RNASEH2B: variants seen among roughly 807,000 people sequenced by gnomAD.
The protein encoded by RNASEH2B is Aicardi-Goutieres syndrome 2 protein.
In RNASEH2B, 36 loss-of-function variants were observed where a neutral mutation model predicts 45.0. The observed-to-expected ratio is 0.80, with a 90% confidence interval of 0.61 to 1.06. The LOEUF (loss-of-function observed/expected upper bound fraction) is 1.06. RNASEH2B is among the 50% of genes least tolerant of loss of function. RNASEH2B has a pLI of 0.00. For synonymous variants in RNASEH2B, 119 were observed against 125.7 expected (o/e 0.95, Z 0.35); for missense variants, 361 against 360.3 (o/e 1.00, Z -0.02).
intron 9 of RNASEH2B, among the ~76,000 whole-genome samples, chr13:50,964,890 ACTTAT>A (rs139581484): frequency 0.01 from 1,542 of 151,820 alleles, 25 homozygotes; most frequent in African/African-American, 0.036. Context: ...TGTTATTATC[ACTTAT>A]CTTAATCACT....
At chr13:50,968,447 G>A (rs990676546) in intron 9 of RNASEH2B, among the ~76,000 whole-genome samples, 5 of 152,016 alleles carry the variant, frequency 3.3e-5, no homozygotes, top group African/African-American at 9.7e-5. Flanking sequence ...AACCCTCCAA[G>A]GTAGACCAGA....
At chr13:50,954,652 A>G (rs1054528445) in intron 10 of RNASEH2B, 1 of 152,290 alleles carries the variant, frequency 6.6e-6, no homozygotes, top group African/African-American at 2.4e-5. Flanking sequence ...TTGAAGTGAT[A>G]GACATTCTTA....
intron 7 of RNASEH2B, among the ~76,000 whole-genome samples, chr13:50,946,325 T>A (rs1951900338): frequency 6.6e-6 from 1 of 152,226 alleles, no homozygotes; most frequent in African/African-American, 2.4e-5. Flanking sequence ...ATGGCTTTAG[T>A]CATTACATAA....
intron 1 of RNASEH2B, among the ~76,000 whole-genome samples, chr13:50,924,634 C>T (rs1951568636): frequency 6.6e-6 from 1 of 152,160 alleles, no homozygotes. Context: ...TCACAGCTCA[C>T]TGCAGCTTTA....
At chr13:50,938,781 C>G (rs1015444416) in intron 5 of RNASEH2B, 5 of 152,156 alleles carry the variant, frequency 3.3e-5, no homozygotes, top group Non-Finnish European at 7.3e-5. Context: ...TCCTCACAGG[C>G]CATGGATTGG....
At chr13:50,910,983 T>C (rs1381303894) in intron 1 of RNASEH2B, 1 of 152,262 alleles carries the variant, frequency 6.6e-6, no homozygotes, top group Non-Finnish European at 1.5e-5. Context: ...ATTTAGAGTT[T>C]TATGATGGTT....
At chr13:50,937,414 A>AG (rs987324871) in intron 5 of RNASEH2B, 5 of 151,760 alleles carry the variant, frequency 3.3e-5, no homozygotes, top group African/African-American at 7.3e-5. Flanking sequence ...TGGAGAGATG[A>AG]GGGGGTCTCT....
At chr13:50,949,286 G>A in intron 8 of RNASEH2B, 177 bp from the exon 9 acceptor site, 2 of 607,880 alleles carry the variant, frequency 3.3e-6, no homozygotes, top group Non-Finnish European at 5.9e-6. Flanking sequence ...TCAAAATAAA[G>A]ACTCATTTAT....
At chr13:50,969,088 T>C (rs1406973205) in intron 9 of RNASEH2B, among the ~76,000 whole-genome samples, 3 of 152,196 alleles carry the variant, frequency 2.0e-5, no homozygotes, top group Admixed American at 6.5e-5. Context: ...AGACATGTTG[T>C]AGATAGAGGA....
intron 1 of RNASEH2B, among the ~76,000 whole-genome samples, chr13:50,925,660 A>G (rs1426780407): frequency 6.6e-6 from 1 of 152,186 alleles, no homozygotes; most frequent in Non-Finnish European, 1.5e-5. Flanking sequence ...GCACAATTCA[A>G]GACCCTGAGG....
intron 2 of RNASEH2B, 122 bp from the exon 3 acceptor site, chr13:50,929,353 T>G: frequency 1.4e-6 from 1 of 706,632 alleles, no homozygotes; most frequent in Non-Finnish European, 2.6e-6. Context: ...AGAATAGACC[T>G]GTGTATGTTT....
rs566790226 is a variant in RNASEH2B, at chr13:50,945,471, C to G, written c.555C>G (p.Val185=). ...CATTAAAAACCAATAATGTGAATGT[C>G]AGTTCCCGGGTACAGTCAACTGCAT... ...VAALKTNNVN[V]SSRVQSTAFF... The change falls in exon 7 of 11, where the codon GTC becomes GTG. Residue 185 remains valine, a synonymous_variant. Transcript: ENST00000336617. 9.3e-6 allele frequency: 15 copies of G among 1,613,766 alleles called. No homozygotes were observed. In the South Asian group the frequency reaches 1.5e-4, roughly 17 times the overall value.
At chr13:50,916,134 CA>C (rs1879730036) in intron 1 of RNASEH2B, among the ~76,000 whole-genome samples, 1 of 151,964 alleles carries the variant, frequency 6.6e-6, no homozygotes, top group South Asian at 2.1e-4. Flanking sequence ...CATCCTCACC[CA>C]AAATAAAAAT....
intron 9 of RNASEH2B, chr13:50,951,835 C>G (rs1230361738): frequency 6.6e-6 from 1 of 152,092 alleles, no homozygotes. Context: ...TAGAGGCTAC[C>G]ACAATCATTT....
intron 1 of RNASEH2B, among the ~76,000 whole-genome samples, chr13:50,924,730 T>A (rs1359792375): frequency 6.6e-6 from 1 of 152,154 alleles, no homozygotes; most frequent in Non-Finnish European, 1.5e-5. Context: ...GTATTTTTTG[T>A]AGAGACAGGG....
intron 8 of RNASEH2B, 163 bp from the exon 9 acceptor site, chr13:50,949,300 G>C: frequency 1.6e-6 from 1 of 641,284 alleles, no homozygotes; most frequent in South Asian, 1.9e-5. Context: ...CATTTATTGA[G>C]AAAACTTTCA....
chr13:50,958,968 T>C (rs1593483558), downstream of RNASEH2B, among the ~76,000 whole-genome samples: 1 of 152,202 alleles, frequency 6.6e-6, no homozygotes, highest in South Asian at 2.1e-4. Flanking sequence ...TTAATGGTCT[T>C]GCACTCTAAC....
downstream of RNASEH2B, among the ~76,000 whole-genome samples, chr13:50,958,852 T>G (rs1233379284): frequency 3.3e-5 from 5 of 152,206 alleles, no homozygotes; most frequent in Admixed American, 3.3e-4. Context: ...ATTTTATTGT[T>G]TCCTTATAAT....
At chr13:50,931,844 A>G (rs1044116020) in intron 4 of RNASEH2B, among the ~76,000 whole-genome samples, 1 of 152,184 alleles carries the variant, frequency 6.6e-6, no homozygotes, top group Non-Finnish European at 1.5e-5. Flanking sequence ...TCTTGCACTT[A>G]AAATGGATCT....
Sources: allele counts gnomAD v4.1 joint callset (sites outside exome capture counted in the v4.1 genomes callset), GRCh38; gene constraint gnomAD v4.1.1; transcripts MANE v1.5; gene names NCBI Gene and HGNC (gene_info 2026-07-23, HGNC 2026-07-21).